FBXL13: variants seen among roughly 807,000 people sequenced by gnomAD.
FBXL13 encodes F-box and leucine-rich repeat protein 13.
In FBXL13, 67 loss-of-function variants were observed where a neutral mutation model predicts 83.6. That is an observed-to-expected ratio of 0.80 (90% CI 0.66 to 0.98). FBXL13 has a LOEUF of 0.98. FBXL13 is among the 50% of genes least tolerant of loss of function. The pLI is 0.00. For missense variants in FBXL13, 822 were observed against 866.5 expected (o/e 0.95, Z 0.64); for synonymous variants, 272 against 299.5 (o/e 0.91, Z 0.95).
At chr7:103,019,748 C>T (rs912478394) in intron 6 of FBXL13, among the ~76,000 whole-genome samples, 3 of 152,170 alleles carry the variant, frequency 2.0e-5, no homozygotes, top group African/African-American at 7.2e-5. Context: ...TTCCTGGACA[C>T]ATACACCCTC....
chr7:102,919,552 A>G (rs1275474258), intron 10 of FBXL13, among the ~76,000 whole-genome samples: 2 of 152,338 alleles, frequency 1.3e-5, no homozygotes, highest in Admixed American at 1.3e-4. Context: ...TTTCTCAGAG[A>G]AAAGGAAAGT....
At chr7:103,044,713 T>C (rs1014614962) in intron 2 of FBXL13, among the ~76,000 whole-genome samples, 7 of 152,240 alleles carry the variant, frequency 4.6e-5, no homozygotes, top group Non-Finnish European at 1.0e-4. Context: ...ATTTTATATA[T>C]GCTTTCTCTT....
chr7:102,984,638 C>A, intron 6 of FBXL13, among the ~76,000 whole-genome samples: 1 of 151,786 alleles, frequency 6.6e-6, no homozygotes, highest in East Asian at 1.9e-4. Context: ...TTTTTTAATG[C>A]CGTACTTTCA....
intron 1 of FBXL13, among the ~76,000 whole-genome samples, chr7:103,058,892 G>A (rs1035727539): frequency 6.6e-6 from 1 of 152,210 alleles, no homozygotes; most frequent in Middle Eastern, 3.2e-3. Flanking sequence ...GTCAGGTTGA[G>A]AGGATAAGTC....
intron 11 of FBXL13, among the ~76,000 whole-genome samples, chr7:102,891,806 G>A (rs1256223592): frequency 6.6e-6 from 1 of 152,254 alleles, no homozygotes; most frequent in Admixed American, 6.5e-5. Flanking sequence ...TCTGTCAGAA[G>A]CAGGCTGATC....
At chr7:102,994,431 A>AC (rs1330062424) in intron 6 of FBXL13, among the ~76,000 whole-genome samples, 2 of 151,566 alleles carry the variant, frequency 1.3e-5, no homozygotes, top group Non-Finnish European at 2.9e-5. Context: ...CAAGAGGAAA[A>AC]AAAAAAGATA....
intron 8 of FBXL13, among the ~76,000 whole-genome samples, chr7:102,951,328 A>T (rs1264084887): frequency 1.3e-5 from 2 of 150,792 alleles, no homozygotes; most frequent in Admixed American, 6.6e-5. Context: ...GTGAGCCAAG[A>T]TCATGTCACT....
At chr7:102,818,218 A>G (rs10276590) in intron 19 of FBXL13, among the ~76,000 whole-genome samples, 8 of 152,196 alleles carry the variant, frequency 5.3e-5, no homozygotes, top group African/African-American at 1.9e-4. Flanking sequence ...GCACGTGTCT[A>G]CCCTTACTGA....
chr7:102,980,718 A>G (rs995671896), intron 6 of FBXL13, among the ~76,000 whole-genome samples: 5 of 152,074 alleles, frequency 3.3e-5, no homozygotes, highest in Non-Finnish European at 5.9e-5. Flanking sequence ...CAGAGCTTGC[A>G]GTGAGCTGAG....
At chr7:102,927,507 T>C (rs1417006946) in intron 9 of FBXL13, among the ~76,000 whole-genome samples, 3 of 152,230 alleles carry the variant, frequency 2.0e-5, no homozygotes, top group Non-Finnish European at 2.9e-5. Context: ...CCAGTAGTCA[T>C]GGATTTTTAA....
chr7:102,976,988 C>T (rs1000243842), intron 6 of FBXL13, among the ~76,000 whole-genome samples: 2 of 152,202 alleles, frequency 1.3e-5, no homozygotes, highest in African/African-American at 2.4e-5. Context: ...AATTCCATTA[C>T]ACCCTGATTC....
At position 102,971,834 on chromosome 7, in the gene FBXL13, T is replaced by C. The variant is rs184914722; in HGVS notation, c.496-3717A>G. ...TGAGGTCAGAAGTTCGAGACCAGCC[T>C]GGCCAACATGGCAAAACCCCATCTC... On this transcript the variant is annotated intron_variant, in intron 6 of 19. Coordinates refer to ENST00000313221, the Ensembl canonical transcript of FBXL13. Among the ~76,000 whole-genome samples the C allele has an allele frequency of 3.7e-3, 568 of 152,094 alleles. 5 individuals are homozygous for C. Among genetic ancestry groups the C allele is most frequent in the African/African-American group, 0.014 (561 of 41,490 alleles).
intron 11 of FBXL13, among the ~76,000 whole-genome samples, chr7:102,884,790 T>TG (rs1810578458): frequency 6.6e-6 from 1 of 152,186 alleles, no homozygotes; most frequent in South Asian, 2.1e-4. Context: ...AAGCAATTGC[T>TG]GCCTATACTC....
chr7:102,913,316 C>T, intron 10 of FBXL13, 101 bp from the exon 12 acceptor site: 1 of 1,426,344 alleles, frequency 7.0e-7, no homozygotes, highest in Non-Finnish European at 9.6e-7. Context: ...TTCAACTCTT[C>T]TTCTTGCAGA....
intron 19 of FBXL13, among the ~76,000 whole-genome samples, chr7:102,820,989 T>C (rs1798729292): frequency 6.6e-6 from 1 of 152,242 alleles, no homozygotes; most frequent in Non-Finnish European, 1.5e-5. Flanking sequence ...GAATCTTACT[T>C]ATTAGAAATT....
intron 10 of FBXL13, among the ~76,000 whole-genome samples, chr7:102,918,337 T>C (rs1033645544): frequency 6.6e-6 from 1 of 152,204 alleles, no homozygotes; most frequent in African/African-American, 2.4e-5. Flanking sequence ...AAATTCTTAT[T>C]TTGGGTCCTA....
intron 14 of FBXL13, among the ~76,000 whole-genome samples, chr7:102,879,901 T>C (rs1288536123): frequency 6.6e-6 from 1 of 152,154 alleles, no homozygotes; most frequent in Non-Finnish European, 1.5e-5. Context: ...AGAGACGGGG[T>C]TTCACCATGT....
intron 6 of FBXL13, among the ~76,000 whole-genome samples, chr7:102,989,096 G>C (rs558198101): frequency 1.3e-5 from 2 of 152,186 alleles, no homozygotes; most frequent in Non-Finnish European, 2.9e-5. Flanking sequence ...GATGGGGACA[G>C]GGAGGGCTGA....
intron 6 of FBXL13, among the ~76,000 whole-genome samples, chr7:103,022,526 G>A (rs1793327304): frequency 6.7e-6 from 1 of 148,506 alleles, no homozygotes; most frequent in African/African-American, 2.5e-5. Flanking sequence ...AAAGAGCCCA[G>A]AAATAATGCC....
Sources: allele counts gnomAD v4.1 joint callset (sites outside exome capture counted in the v4.1 genomes callset), GRCh38; gene constraint gnomAD v4.1.1; transcripts MANE v1.5; gene names NCBI Gene and HGNC (gene_info 2026-07-23, HGNC 2026-07-21).